Variants in GPC5 observed in about 807,000 individuals in gnomAD.
GPC5 encodes the protein glypican-5.
A neutral mutation model predicts 53.9 loss-of-function variants in GPC5; 47 were observed. That is an observed-to-expected ratio of 0.87 (90% CI 0.69 to 1.11). GPC5 has a LOEUF of 1.11. GPC5 is among the 50% of genes most tolerant of loss of function. GPC5 has a pLI of 0.00. For synonymous variants in GPC5, 286 were observed against 263.3 expected (o/e 1.09, Z -0.84); for missense variants, 748 against 713.1 (o/e 1.05, Z -0.56).
chr13:92,102,722 A>G (rs889579974), intron 6 of GPC5, among the ~76,000 whole-genome samples: 4 of 152,184 alleles, frequency 2.6e-5, no homozygotes, highest in Non-Finnish European at 4.4e-5. Context: ...CTATAAGTAA[A>G]GAACTGTATA....
intron 7 of GPC5, among the ~76,000 whole-genome samples, chr13:92,154,515 C>G (rs1267669007): frequency 2.0e-5 from 3 of 152,164 alleles, no homozygotes; most frequent in African/African-American, 7.2e-5. Context: ...CCCTCCCTTT[C>G]TCAGAAGATG....
intron 7 of GPC5, among the ~76,000 whole-genome samples, chr13:92,777,034 A>G: frequency 6.7e-6 from 1 of 149,996 alleles, no homozygotes; most frequent in African/African-American, 2.4e-5. Context: ...AAAAAAAAAA[A>G]AAAAAAAAAA....
intron 1 of GPC5, among the ~76,000 whole-genome samples, chr13:91,421,768 T>C (rs1878652445): frequency 6.6e-6 from 1 of 152,208 alleles, no homozygotes; most frequent in Non-Finnish European, 1.5e-5. Flanking sequence ...CTCAGAATTA[T>C]AGAAGCCTGT....
At chr13:91,928,340 C>T (rs2039788437) in intron 6 of GPC5, among the ~76,000 whole-genome samples, 1 of 152,098 alleles carries the variant, frequency 6.6e-6, no homozygotes, top group Non-Finnish European at 1.5e-5. Context: ...AGGAAGGTCT[C>T]CATGGGATGA....
chr13:91,747,305 C>T (rs895928211), intron 4 of GPC5, among the ~76,000 whole-genome samples: 2 of 152,076 alleles, frequency 1.3e-5, no homozygotes, highest in African/African-American at 4.8e-5. Flanking sequence ...ATATTTTGTA[C>T]CACGTGATGT....
chr13:92,699,085 A>T lies in GPC5; in HGVS notation c.1562-167197A>T, dbSNP rs1887648548. On this transcript the variant is annotated intron_variant, in intron 7 of 7. Transcript: ENST00000377067. ...TTTTTTTTTGGTTGGTAGGCTATTA[A>T]TTGCTGCCTCAATTTCAGAACTTGT... is the stretch of plus-strand genomic sequence containing the variant. 1.3e-5 allele frequency among the ~76,000 whole-genome samples: 2 copies of T among 152,068 alleles called. 1 individual carries two copies. The highest frequency in any genetic ancestry group is 4.1e-4 in the South Asian group (2 of 4,828).
chr13:91,541,656 C>G (rs2029936626), intron 2 of GPC5, among the ~76,000 whole-genome samples: 1 of 151,944 alleles, frequency 6.6e-6, no homozygotes, highest in Non-Finnish European at 1.5e-5. Context: ...AAGAACAAAT[C>G]TCACAGGTAG....
At chr13:92,265,282 CT>C (rs1297792810) in intron 7 of GPC5, among the ~76,000 whole-genome samples, 1 of 152,088 alleles carries the variant, frequency 6.6e-6, no homozygotes, top group Non-Finnish European at 1.5e-5. Flanking sequence ...TCACCTCTCA[CT>C]TTTTACTATA....
chr13:92,426,789 G>T (rs7336824), intron 7 of GPC5, among the ~76,000 whole-genome samples: 47,633 of 151,736 alleles, frequency 0.31, 8,120 homozygotes, highest in Non-Finnish European at 0.38. Flanking sequence ...GCAAAAAGTG[G>T]TAAAAATTAG....
At chr13:92,310,590 T>A (rs2043138899) in intron 7 of GPC5, among the ~76,000 whole-genome samples, 1 of 152,182 alleles carries the variant, frequency 6.6e-6, no homozygotes, top group African/African-American at 2.4e-5. Flanking sequence ...CCCGTGAAAG[T>A]AGACCAGAAG....
At chr13:92,387,428 G>A (rs377325531) in intron 7 of GPC5, among the ~76,000 whole-genome samples, 27 of 152,168 alleles carry the variant, frequency 1.8e-4, no homozygotes, top group African/African-American at 4.6e-4. Flanking sequence ...AGGAATATCT[G>A]TAATTATCTT....
intron 7 of GPC5, among the ~76,000 whole-genome samples, chr13:92,276,328 T>C (rs1158928237): frequency 6.6e-6 from 1 of 152,174 alleles, no homozygotes; most frequent in Non-Finnish European, 1.5e-5. Flanking sequence ...TTTCTGATTT[T>C]CTCAGAATGG....
chr13:91,745,116 G>A lies in GPC5; in HGVS notation c.1155-11179G>A, dbSNP rs138512975. 2.2e-3 allele frequency among the ~76,000 whole-genome samples: 342 copies of A among 152,068 alleles called. 4 individuals are homozygous for A. Among genetic ancestry groups the A allele is most frequent in the African/African-American group, 7.7e-3 (321 of 41,532 alleles). On this transcript the variant is annotated intron_variant, in intron 4 of 7. Coordinates refer to ENST00000377067, the MANE Select transcript of GPC5 (RefSeq NM_004466.6). ...GTCCTTGTTTAAAGTCCTTTTTAAT[G>A]GAGAACAGAGGTAGTGTTTTTTTAA... is the stretch of plus-strand genomic sequence containing the variant.
At chr13:92,577,724 A>G (rs1390425431) in intron 7 of GPC5, among the ~76,000 whole-genome samples, 1 of 152,228 alleles carries the variant, frequency 6.6e-6, no homozygotes, top group African/African-American at 2.4e-5. Context: ...CACAAAGTAC[A>G]AAATCTCATC....
At chr13:92,608,841 C>T (rs1884341708) in intron 7 of GPC5, among the ~76,000 whole-genome samples, 1 of 152,032 alleles carries the variant, frequency 6.6e-6, no homozygotes, top group African/African-American at 2.4e-5. Context: ...CTATTTTTTC[C>T]ATTCTTTTCT....
rs997540270 is a variant in GPC5 at position 91,441,895 on chromosome 13, A to G, written c.164-6866A>G. Reference sequence around the variant, plus strand: ...CATTTGGTATTTCATAACATGTAACATCCACTCTGGTAAATATAAGTACAT... The same window carrying G: ...CATTTGGTATTTCATAACATGTAACGTCCACTCTGGTAAATATAAGTACAT... On this transcript the variant is annotated intron_variant, in intron 1 of 7. Transcript: ENST00000377067. Among the ~76,000 whole-genome samples the G allele has an allele frequency of 2.6e-5, 4 of 152,276 alleles. No homozygotes were observed. The East Asian group carries it at 7.7e-4, about 29-fold the overall frequency.
intron 7 of GPC5, among the ~76,000 whole-genome samples, chr13:92,197,516 G>A (rs1214604327): frequency 1.3e-5 from 2 of 152,046 alleles, no homozygotes; most frequent in African/African-American, 4.8e-5. Flanking sequence ...GGGTTTGTTT[G>A]AGACAGGGTC....
At chr13:92,591,092 A>G (rs753320869) in intron 7 of GPC5, among the ~76,000 whole-genome samples, 7 of 152,232 alleles carry the variant, frequency 4.6e-5, no homozygotes, top group Non-Finnish European at 8.8e-5. Context: ...ATAACTTTTC[A>G]TGTCCCCTTC....
chr13:92,034,652 T>G (rs1257988062), intron 6 of GPC5, among the ~76,000 whole-genome samples: 1 of 152,204 alleles, frequency 6.6e-6, no homozygotes, highest in African/African-American at 2.4e-5. Context: ...ATGTTCACTT[T>G]ATATTTATTA....
Sources: allele counts gnomAD v4.1 joint callset (sites outside exome capture counted in the v4.1 genomes callset), GRCh38; gene constraint gnomAD v4.1.1; transcripts MANE v1.5; gene names NCBI Gene and HGNC (gene_info 2026-07-23, HGNC 2026-07-21).